The following NPSR1 variants were observed in gnomAD, a reference collection of about 807,000 sequenced individuals.
The protein encoded by NPSR1 is neuropeptide S receptor 1, also known as neuropeptide S receptor.
A neutral mutation model predicts 46.9 loss-of-function variants in NPSR1; 48 were observed. That is an observed-to-expected ratio of 1.02 (90% CI 0.81 to 1.30). NPSR1 has a LOEUF of 1.30. NPSR1 is among the 50% of genes most tolerant of loss of function. The pLI, the probability that NPSR1 is intolerant of heterozygous loss-of-function variation, is 0.00. For synonymous variants in NPSR1, 176 were observed against 168.1 expected, an observed-to-expected ratio of 1.05 and a Z score of -0.36; for missense variants, 450 against 449.5, an observed-to-expected ratio of 1.00 and a Z score of -0.01.
At chr7:34,756,091 A>C (rs1334164212) in intron 2 of NPSR1, among the ~76,000 whole-genome samples, 1 of 152,194 alleles carries the variant, frequency 6.6e-6, no homozygotes, top group East Asian at 1.9e-4. Context: ...GAGTTCAGGG[A>C]GCCTGCTAGA....
chr7:34,763,895 C>T (rs943717129), intron 2 of NPSR1, among the ~76,000 whole-genome samples: 1 of 152,208 alleles, frequency 6.6e-6, no homozygotes, highest in African/African-American at 2.4e-5. Context: ...AATTTATATG[C>T]TTTCCCTTTA....
At chr7:34,792,018 A>G (rs1462530770) in intron 3 of NPSR1, among the ~76,000 whole-genome samples, 1 of 152,164 alleles carries the variant, frequency 6.6e-6, no homozygotes, top group Non-Finnish European at 1.5e-5. Flanking sequence ...CTACATGAGA[A>G]GAGTGCAATT....
intron 2 of NPSR1, chr7:34,728,853 G>A (rs548659574): frequency 1.2e-4 from 18 of 152,730 alleles, no homozygotes; most frequent in African/African-American, 4.1e-4. Context: ...TTAAATGTCT[G>A]TAAATTTTCA....
intron 6 of NPSR1, 144 bp downstream of exon 6, chr7:34,834,604 A>G: frequency 6.2e-6 from 4 of 649,892 alleles, no homozygotes; most frequent in Non-Finnish European, 1.1e-5. Context: ...GACCCACCAA[A>G]GGCTGTCACA....
chr7:34,743,823 A>G (rs1220084162), intron 2 of NPSR1, among the ~76,000 whole-genome samples: 3 of 152,072 alleles, frequency 2.0e-5, no homozygotes, highest in African/African-American at 7.2e-5. Flanking sequence ...AGGCTTGTCT[A>G]GTTATATTTT....
chr7:34,858,203 G>T (rs1460885584), intron 8 of NPSR1, among the ~76,000 whole-genome samples: 1 of 151,740 alleles, frequency 6.6e-6, no homozygotes, highest in African/African-American at 2.4e-5. Flanking sequence ...CCCTACAGAA[G>T]TGTGAATTAT....
intron 6 of NPSR1, among the ~76,000 whole-genome samples, chr7:34,842,032 A>G (rs539088692): frequency 6.6e-6 from 1 of 152,222 alleles, no homozygotes; most frequent in Non-Finnish European, 1.5e-5. Flanking sequence ...CCTTCTGTTC[A>G]CTTTCATAAA....
intron 7 of NPSR1, among the ~76,000 whole-genome samples, chr7:34,846,070 G>A (rs968001786): frequency 6.6e-6 from 1 of 152,142 alleles, no homozygotes; most frequent in African/African-American, 2.4e-5. Flanking sequence ...CAACACTGCA[G>A]GCGGAACTGG....
chr7:34,804,143 T>C (rs1459725549), intron 3 of NPSR1, among the ~76,000 whole-genome samples: 3 of 152,124 alleles, frequency 2.0e-5, no homozygotes, highest in Non-Finnish European at 2.9e-5. Context: ...TCCTAATTCA[T>C]ATACTTGCTG....
intron 3 of NPSR1, among the ~76,000 whole-genome samples, chr7:34,798,225 C>A (rs932501492): frequency 3.3e-5 from 5 of 152,084 alleles, no homozygotes; most frequent in African/African-American, 1.2e-4. Context: ...GATAAGTGAA[C>A]TGAATGACAA....
intron 2 of NPSR1, chr7:34,750,769 A>C (rs1785477643): frequency 1.4e-6 from 1 of 693,042 alleles, no homozygotes; most frequent in African/African-American, 1.8e-5. Context: ...GCTGTGACAC[A>C]CAGTAGGCCA....
At chr7:34,741,969 T>C (rs181310812) in intron 2 of NPSR1, among the ~76,000 whole-genome samples, 1 of 152,378 alleles carries the variant, frequency 6.6e-6, no homozygotes, top group Admixed American at 6.5e-5. Context: ...GCTGGATGTA[T>C]GGAACCTTAG....
At chr7:34,797,625 A>G (rs1788237362) in intron 3 of NPSR1, among the ~76,000 whole-genome samples, 1 of 152,220 alleles carries the variant, frequency 6.6e-6, no homozygotes, top group Non-Finnish European at 1.5e-5. Flanking sequence ...GAAATAAAAG[A>G]TGAAAAATTT....
chr7:34,791,033 T>C (rs1188430888), intron 3 of NPSR1, among the ~76,000 whole-genome samples: 7 of 122,864 alleles, frequency 5.7e-5, no homozygotes, highest in South Asian at 2.3e-4. Flanking sequence ...TTATATGTTA[T>C]ATATTATATT....
intron 2 of NPSR1, among the ~76,000 whole-genome samples, chr7:34,702,681 T>C (rs1562663176): frequency 6.6e-6 from 1 of 152,234 alleles, no homozygotes; most frequent in Non-Finnish European, 1.5e-5. Context: ...TGGCTGTTTA[T>C]GCTTTTCTCC....
intron 1 of NPSR1, among the ~76,000 whole-genome samples, chr7:34,681,197 C>T (rs1281739592): frequency 6.6e-6 from 1 of 152,120 alleles, no homozygotes; most frequent in Non-Finnish European, 1.5e-5. Flanking sequence ...TGAGGGAGAG[C>T]TGGGTCTCAA....
chr7:34,767,999 AAAG>A (rs1475337959), intron 2 of NPSR1, among the ~76,000 whole-genome samples: 2 of 152,140 alleles, frequency 1.3e-5, no homozygotes, highest in Non-Finnish European at 2.9e-5. Flanking sequence ...CACATAACTA[AAAG>A]AATATTGCAT....
intron 3 of NPSR1, among the ~76,000 whole-genome samples, chr7:34,806,814 A>G (rs973892629): frequency 1.3e-5 from 2 of 152,152 alleles, no homozygotes; most frequent in Non-Finnish European, 2.9e-5. Context: ...TCTGAAAAAT[A>G]AAGTCTATTT....
Position 34,822,410 on chromosome 7 carries a change from G to A in NPSR1, c.479-4991G>A, listed in dbSNP as rs1314441572. On this transcript the variant is annotated intron_variant, in intron 4 of 8. Transcript: ENST00000360581. ...CAAGGCAATGGCCGCTTAACTGAGG[G>A]GAGGCCATATTTTATTTATTTTTTA... 2.6e-5 allele frequency among the ~76,000 whole-genome samples: 4 copies of A among 152,256 alleles called. No individual in the cohort carries two copies. In the South Asian group the frequency reaches 8.3e-4, roughly 32 times the overall value.
Sources: gnomAD v4.1 joint callset for allele counts (sites outside exome capture counted in the v4.1 genomes callset) on GRCh38, gnomAD v4.1.1 for gene constraint, MANE v1.5 for transcripts, NCBI Gene and HGNC (gene_info 2026-07-23, HGNC 2026-07-21) for gene names.